FRMPD4: variants seen among roughly 807,000 people sequenced by gnomAD.
The protein encoded by FRMPD4 is FERM and PDZ domain containing 4.
A neutral mutation model predicts 94.1 loss-of-function variants in FRMPD4; 22 were observed. The observed-to-expected ratio is 0.23, with a 90% CI of 0.17 to 0.33. The LOEUF (loss-of-function observed/expected upper bound fraction) is 0.33, where lower values mean the gene tolerates loss of function less well. Among genes scored for constraint, FRMPD4 ranks in the 10% least tolerant of loss-of-function variants. The probability of loss-of-function intolerance (pLI) is 1.00; values close to 1 mark genes in which losing one functional copy is unlikely to be tolerated. For missense variants in FRMPD4, 1,111 were observed against 1,339.9 expected, an observed-to-expected ratio of 0.83 and a Z score of 2.67; for synonymous variants, 631 against 548.6, an observed-to-expected ratio of 1.15 and a Z score of -2.10.
In FRMPD4 at chrX:12,706,926, T is replaced by C; in HGVS notation, c.1287+11T>C. ...AAGGCAACATTAGTGGTAATTTCTTTTTTTTTTTTTTTTTTGCTTTCTCTT... is the reference window on the plus strand; with the variant it reads ...AAGGCAACATTAGTGGTAATTTCTTCTTTTTTTTTTTTTTTGCTTTCTCTT... On this transcript the variant is annotated intron_variant, in intron 12 of 16. Transcript: ENST00000675598. 1.5e-6 allele frequency: 1 copy of C among 653,943 alleles called. No homozygotes were observed. Among genetic ancestry groups the C allele is most frequent in the Non-Finnish European group, 2.1e-6 (1 of 466,974 alleles). The allele number at this position is 653,943 out of a possible 1,213,427, so 53.9% of individuals were successfully genotyped here. A position where few individuals can be genotyped will look rare whatever the true frequency, so the allele number is the denominator to read the frequency against.
chrX:12,314,432 T>G (rs1260855199), intron 1 of FRMPD4, among the ~76,000 whole-genome samples: 1 of 110,833 alleles, frequency 9.0e-6, no homozygotes, highest in Non-Finnish European at 1.9e-5. Context: ...ATCCCAGAGC[T>G]GGAACTGACT....
intron 1 of FRMPD4, among the ~76,000 whole-genome samples, chrX:12,407,878 G>T: frequency 9.0e-6 from 1 of 111,093 alleles, no homozygotes; most frequent in Non-Finnish European, 1.9e-5. Flanking sequence ...CCTTAATCTA[G>T]AATATTGTGA....
intron 1 of FRMPD4, among the ~76,000 whole-genome samples, chrX:12,229,698 C>T (rs2056962521): frequency 8.9e-6 from 1 of 111,894 alleles, no homozygotes; most frequent in Non-Finnish European, 1.9e-5. Flanking sequence ...ATAAGTTGGT[C>T]TCACCCATCT....
intron 1 of FRMPD4, among the ~76,000 whole-genome samples, chrX:12,396,658 A>G (rs766974354): frequency 3.6e-5 from 4 of 112,254 alleles, no homozygotes; most frequent in African/African-American, 1.3e-4. Flanking sequence ...GGATTTAAAT[A>G]CATCTATATA....
chrX:12,593,893 A>G (rs764229777), intron 2 of FRMPD4, among the ~76,000 whole-genome samples: 1 of 111,858 alleles, frequency 8.9e-6, no homozygotes, highest in South Asian at 3.7e-4. Flanking sequence ...CCCTTCAGAA[A>G]CAGGTTGCAG....
At chrX:11,837,000 C>A (rs1237294716) in intron 1 of FRMPD4, among the ~76,000 whole-genome samples, 1 of 112,000 alleles carries the variant, frequency 8.9e-6, no homozygotes, top group East Asian at 2.8e-4. Flanking sequence ...ATTCTATTCC[C>A]TCATTGGAGC....
intron 1 of FRMPD4, among the ~76,000 whole-genome samples, chrX:12,296,109 T>C (rs1429499306): frequency 9.0e-6 from 1 of 110,680 alleles, no homozygotes; most frequent in Non-Finnish European, 1.9e-5. Context: ...CAATCAGAAA[T>C]ATTTCTAGAC....
intron 1 of FRMPD4, among the ~76,000 whole-genome samples, chrX:11,834,380 A>G (rs1163322069): frequency 8.9e-6 from 1 of 111,914 alleles, no homozygotes; most frequent in African/African-American, 3.2e-5. Flanking sequence ...TCTCACTGAT[A>G]CCAGCTGGTT....
chrX:12,152,760 A>G (rs2055873306), intron 1 of FRMPD4, among the ~76,000 whole-genome samples: 2 of 111,087 alleles, frequency 1.8e-5, no homozygotes, highest in Non-Finnish European at 3.8e-5. Flanking sequence ...AAGCTGGAAG[A>G]TCGTATCATT....
intron 2 of FRMPD4, among the ~76,000 whole-genome samples, chrX:12,542,858 C>A (rs1290539696): frequency 2.7e-5 from 3 of 112,072 alleles, no homozygotes; most frequent in Non-Finnish European, 1.9e-5. Flanking sequence ...GCTACAGTAA[C>A]CAAAACAGCA....
chrX:12,204,842 C>T (rs1399948179), intron 1 of FRMPD4, among the ~76,000 whole-genome samples: 1 of 111,293 alleles, frequency 9.0e-6, no homozygotes, highest in Admixed American at 9.5e-5. Flanking sequence ...CCCCAGATCC[C>T]TCCCCTGATC....
Position 12,538,543 on chromosome X carries a change from TC to T in FRMPD4, c.158+39752del, listed in dbSNP as rs772250142. On this transcript the variant is annotated intron_variant, in intron 2 of 16. Transcript: ENST00000675598. Reference sequence around the variant, plus strand: ...GACTGCCTCCTCAAGTGGGTCCCTGTCCCCCAAGTAGCCTAACTGGGAGGCA... The same window carrying T: ...GACTGCCTCCTCAAGTGGGTCCCTGTCCCCAAGTAGCCTAACTGGGAGGCA... 3.2e-3 allele frequency among the ~76,000 whole-genome samples: 352 copies of T among 111,289 alleles called. 2 individuals carry two copies. The highest frequency in any genetic ancestry group is 0.011 in the African/African-American group (341 of 30,615).
At chrX:12,627,074 C>T (rs2059353737) in intron 4 of FRMPD4, among the ~76,000 whole-genome samples, 1 of 110,408 alleles carries the variant, frequency 9.1e-6, no homozygotes, top group Non-Finnish European at 1.9e-5. Context: ...TCAGGAGTTC[C>T]AGACCAGCCT....
intron 2 of FRMPD4, among the ~76,000 whole-genome samples, chrX:12,523,741 A>G (rs1245782862): frequency 9.0e-6 from 1 of 111,584 alleles, no homozygotes; most frequent in Non-Finnish European, 1.9e-5. Context: ...TTTATTTGCA[A>G]TTCATGAAAC....
intron 1 of FRMPD4, among the ~76,000 whole-genome samples, chrX:12,347,411 T>A (rs1316686372): frequency 1.8e-5 from 2 of 110,129 alleles, no homozygotes; most frequent in African/African-American, 6.6e-5. Flanking sequence ...CTAATTTTTT[T>A]TTTTAGTAGT....
At chrX:12,605,429 C>G (rs915855682) in intron 2 of FRMPD4, among the ~76,000 whole-genome samples, 8 of 111,734 alleles carry the variant, frequency 7.2e-5, no homozygotes, top group African/African-American at 2.6e-4. Context: ...TTCTGCCACT[C>G]TCACCCTGGT....
chrX:12,626,774 C>A (rs989736296), intron 4 of FRMPD4, among the ~76,000 whole-genome samples: 1 of 106,902 alleles, frequency 9.4e-6, no homozygotes, highest in African/African-American at 3.4e-5. Flanking sequence ...CTATTCAGAG[C>A]AAAATAGGCC....
At chrX:11,971,620 C>T (rs2054340606) in intron 3 of FRMPD4, among the ~76,000 whole-genome samples, 1 of 112,358 alleles carries the variant, frequency 8.9e-6, no homozygotes, top group South Asian at 3.7e-4. Context: ...AAGAACACTT[C>T]TATTGTCTTC....
chrX:12,312,464 A>G (rs1569227625), intron 1 of FRMPD4, among the ~76,000 whole-genome samples: 2 of 109,281 alleles, frequency 1.8e-5, no homozygotes, highest in Admixed American at 9.7e-5. Context: ...CATGTTAGCC[A>G]GGATGGTCTC....
Sources: gnomAD v4.1 joint callset for allele counts (sites outside exome capture counted in the v4.1 genomes callset) on GRCh38, gnomAD v4.1.1 for gene constraint, MANE v1.5 for transcripts, NCBI Gene and HGNC (gene_info 2026-07-23, HGNC 2026-07-21) for gene names.